MTUS2: variants seen among roughly 807,000 people sequenced by gnomAD.
MTUS2 encodes microtubule associated scaffold protein 2, also known as microtubule-associated tumor suppressor candidate 2.
Under a neutral mutation model 114.1 loss-of-function variants are expected in MTUS2, and 40 were observed. That is an observed-to-expected ratio of 0.35 (90% CI 0.27 to 0.46). The LOEUF is 0.46. Ranked by LOEUF, MTUS2 falls within the 20% of genes least tolerant of loss-of-function variation. The probability of loss-of-function intolerance (pLI) is 1.00; values close to 1 mark genes in which losing one functional copy is unlikely to be tolerated. For missense variants in MTUS2, 1,679 were observed against 1,705.4 expected, an observed-to-expected ratio of 0.98 and a Z score of 0.27; for synonymous variants, 688 against 672.0, an observed-to-expected ratio of 1.02 and a Z score of -0.37.
rs1880139095 is a variant in MTUS2 at position 28,907,829 on chromosome 13, C to T, written c.-243+67979C>T. On this transcript the variant is annotated intron_variant, in intron 2 of 15. Transcript: ENST00000612955. ...GGAGACTTTAACACCCCACTGTCAA[C>T]ATTAGACAGATAATCGAGACAGAAA... Among the ~76,000 whole-genome samples the T allele has an allele frequency of 2.0e-5, 3 of 151,504 alleles. No individual in the cohort carries two copies. The South Asian group carries it at 6.3e-4, about 32-fold the overall frequency.
At chr13:29,355,231 A>G (rs1869640774) in intron 7 of MTUS2, among the ~76,000 whole-genome samples, 1 of 152,210 alleles carries the variant, frequency 6.6e-6, no homozygotes, top group South Asian at 2.1e-4. Flanking sequence ...CGCAACGCCT[A>G]GCCTTTGCAC....
At chr13:29,211,285 C>A (rs1228132849) in intron 5 of MTUS2, among the ~76,000 whole-genome samples, 18 of 152,276 alleles carry the variant, frequency 1.2e-4, no homozygotes, top group African/African-American at 4.1e-4. Context: ...TTACCCAATG[C>A]CCATACAGCC....
At position 29,498,439 on chromosome 13, in the gene MTUS2, C is replaced by A; in HGVS notation, c.3700C>A (p.His1234Asn). The A allele has an allele frequency of 6.2e-7, 1 of 1,614,082 alleles. No individual in the cohort carries two copies. Among genetic ancestry groups the A allele is most frequent in the Non-Finnish European group, 8.5e-7 (1 of 1,180,012 alleles). The change falls in exon 14 of 16, where the codon CAC becomes AAC. Residue 1234 changes from histidine (H) to asparagine (N), a missense_variant. Physicochemically the swap from His to Asn is moderately conservative, Grantham distance 68. This residue lies in a region of MTUS2 where 822 missense variants were observed against 899.7 expected (regional missense o/e 0.91). Transcript: ENST00000612955. ...GTAGATTGCATTGGCTCCTTATCAGCACTTGGAAGAAGACATGAAGAGTCT... is the reference window on the plus strand; with the variant it reads ...GTAGATTGCATTGGCTCCTTATCAGAACTTGGAAGAAGACATGAAGAGTCT... ...QLEIALAPYQHLEEDMKSLKQ... is the reference protein window; with the variant it reads ...QLEIALAPYQNLEEDMKSLKQ...
intron 2 of MTUS2, among the ~76,000 whole-genome samples, chr13:29,010,781 TAGAA>T (rs1389143182): frequency 2.0e-5 from 3 of 152,148 alleles, no homozygotes; most frequent in Admixed American, 6.5e-5. Context: ...ACACTTTAGT[TAGAA>T]AGACCACCTA....
chr13:28,997,912 T>G (rs1885193747), intron 2 of MTUS2, among the ~76,000 whole-genome samples: 1 of 152,248 alleles, frequency 6.6e-6, no homozygotes, highest in Admixed American at 6.5e-5. Context: ...TATTGTTATG[T>G]GAGAATTTGA....
chr13:29,341,922 T>C (rs1411347555), intron 7 of MTUS2, among the ~76,000 whole-genome samples: 2 of 152,100 alleles, frequency 1.3e-5, no homozygotes, highest in African/African-American at 4.8e-5. Context: ...TTCTCCACTT[T>C]ATGTTTTTGT....
chr13:29,041,179 C>T (rs1466486046), intron 4 of MTUS2, among the ~76,000 whole-genome samples: 1 of 152,058 alleles, frequency 6.6e-6, no homozygotes, highest in East Asian at 1.9e-4. Context: ...TGCCAATTAT[C>T]CCAGCACCAT....
At chr13:28,924,976 G>A (rs1272074450) in intron 2 of MTUS2, among the ~76,000 whole-genome samples, 1 of 151,870 alleles carries the variant, frequency 6.6e-6, no homozygotes, top group Non-Finnish European at 1.5e-5. Context: ...GGCAAGATGT[G>A]TTCCATTAGT....
At chr13:29,378,890 T>G (rs984317791) in intron 8 of MTUS2, among the ~76,000 whole-genome samples, 47 of 152,196 alleles carry the variant, frequency 3.1e-4, no homozygotes, top group African/African-American at 1.1e-3. Context: ...ATTGGAATTG[T>G]AATCCCCATG....
In MTUS2 at chr13:29,504,758, T is replaced by G. The variant is rs1566244927; in HGVS notation, c.*1552T>G. 3.0e-5 allele frequency: 7 copies of G among 233,082 alleles called. No homozygotes were observed. In the East Asian group the frequency reaches 4.2e-4, roughly 14 times the overall value. 14.4% of individuals were successfully genotyped at this position (233,082 alleles called of 1,614,324 possible). A position where few individuals can be genotyped will look rare whatever the true frequency, so the allele number is the denominator to read the frequency against. ...CTGTATGTGACAAAGACCCTGCACT[T>G]TCTCCCTGAGACCCCCCCAAAATTG... is the stretch of plus-strand genomic sequence containing the variant. On this transcript the variant is annotated 3_prime_UTR_variant, in exon 16 of 16. Transcript: ENST00000612955.
intron 5 of MTUS2, among the ~76,000 whole-genome samples, chr13:29,245,597 C>T (rs1321530737): frequency 2.1e-4 from 32 of 152,156 alleles, no homozygotes. Flanking sequence ...GAAGATCCCT[C>T]TATCACTTGC....
intron 8 of MTUS2, among the ~76,000 whole-genome samples, chr13:29,402,804 T>C (rs1874445055): frequency 6.6e-6 from 1 of 152,226 alleles, no homozygotes; most frequent in Admixed American, 6.5e-5. Context: ...TGTCACGATC[T>C]CACCTCACTG....
At chr13:29,081,765 TTTTTG>T (rs149537375) in intron 4 of MTUS2, among the ~76,000 whole-genome samples, 1 of 151,254 alleles carries the variant, frequency 6.6e-6, no homozygotes, top group African/African-American at 2.4e-5. Context: ...GGTTTGGTTA[TTTTTG>T]TTTTGTTTTG....
Position 29,498,316 on chromosome 13 carries a change from G to A in MTUS2, c.3679-102G>A, listed in dbSNP as rs181357726. 11 of 1,519,044 alleles carry A rather than the reference G, an allele frequency of 7.2e-6. No individual in the cohort carries two copies. In the South Asian group the frequency reaches 7.6e-5, roughly 10 times the overall value. 94.1% of individuals were successfully genotyped at this position (1,519,044 alleles called of 1,614,324 possible). On this transcript the variant is annotated intron_variant, in intron 13 of 15. Transcript: ENST00000612955. The stretch of plus-strand genomic sequence containing the variant: ...TTGGTGTTGCAGTTGCCATCAGGGC[G>A]CTTGTCCCAGGAGGATAGATTTAGC...
intron 2 of MTUS2, among the ~76,000 whole-genome samples, chr13:28,931,684 A>ATT (rs138375836): frequency 1.3e-5 from 2 of 152,062 alleles, no homozygotes; most frequent in African/African-American, 2.4e-5. Flanking sequence ...TGTATTAGGT[A>ATT]TTTTTTTATT....
intron 9 of MTUS2, among the ~76,000 whole-genome samples, chr13:29,458,121 A>G (rs1879248332): frequency 6.6e-6 from 1 of 152,082 alleles, no homozygotes; most frequent in Non-Finnish European, 1.5e-5. Context: ...CCCATTTTCT[A>G]TAGTGCTATG....
At chr13:29,210,954 G>A (rs1895405270) in intron 5 of MTUS2, among the ~76,000 whole-genome samples, 1 of 152,200 alleles carries the variant, frequency 6.6e-6, no homozygotes, top group Non-Finnish European at 1.5e-5. Flanking sequence ...GTAGTGTAGG[G>A]AGGATACAAG....
chr13:28,869,312 T>C (rs1877482669), intron 2 of MTUS2, among the ~76,000 whole-genome samples: 1 of 152,234 alleles, frequency 6.6e-6, no homozygotes, highest in African/African-American at 2.4e-5. Context: ...TGACTTCACA[T>C]TGACCTCGAT....
chr13:29,268,634 A>G (rs1897758379), intron 5 of MTUS2, among the ~76,000 whole-genome samples: 1 of 151,738 alleles, frequency 6.6e-6, no homozygotes, highest in African/African-American at 2.4e-5. Flanking sequence ...GGCCTTCCCC[A>G]GGTCACAACA....
Sources: gnomAD v4.1 joint callset for allele counts (sites outside exome capture counted in the v4.1 genomes callset) on GRCh38, gnomAD v4.1.1 for gene constraint, gnomAD v4.1.1 regional missense constraint, MANE v1.5 for transcripts, NCBI Gene and HGNC (gene_info 2026-07-23, HGNC 2026-07-21) for gene names.